Variants in KLHL13 observed in about 807,000 individuals in gnomAD.
KLHL13 encodes kelch like family member 13.
Under a neutral mutation model 37.1 loss-of-function variants are expected in KLHL13, and 10 were observed. The observed-to-expected ratio is 0.27, with a 90% confidence interval of 0.17 to 0.46. The LOEUF (loss-of-function observed/expected upper bound fraction) is 0.46. Ranked by LOEUF, KLHL13 falls within the 20% of genes least tolerant of loss-of-function variation. The probability of loss-of-function intolerance (pLI) is 1.00; values close to 1 mark genes in which losing one functional copy is unlikely to be tolerated. For synonymous variants in KLHL13, 163 were observed against 181.2 expected, an observed-to-expected ratio of 0.90 and a Z score of 0.81; for missense variants, 360 against 509.3, an observed-to-expected ratio of 0.71 and a Z score of 2.82.
chrX:117,992,793 T>C lies in KLHL13; in HGVS notation c.-55-47218A>G, dbSNP rs750083941. Among the ~76,000 whole-genome samples the C allele has an allele frequency of 1.2e-3, 134 of 111,963 alleles. 1 individual carries two copies. Among genetic ancestry groups the C allele is most frequent in the African/African-American group, 4.2e-3 (129 of 30,839 alleles). On this transcript the variant is annotated intron_variant, in intron 1 of 6. Coordinates refer to the KLHL13 transcript ENST00000371882. ...CTTTCTAAACTCTTTCAGCAGTTAC[T>C]ATACAATGTTCATAGTTATTTATTC...
intron 2 of KLHL13, among the ~76,000 whole-genome samples, chrX:117,942,094 G>A (rs1380175814): frequency 8.9e-6 from 1 of 111,759 alleles, no homozygotes; most frequent in Non-Finnish European, 1.9e-5. Context: ...TATATACCCA[G>A]TAGTCATTCA....
At chrX:118,015,838 T>C (rs2054122189) in intron 1 of KLHL13, among the ~76,000 whole-genome samples, 1 of 111,268 alleles carries the variant, frequency 9.0e-6, no homozygotes, top group Admixed American at 9.6e-5. Context: ...AAAAAGTAAC[T>C]GGTCTCAGAA....
At chrX:117,913,598 C>A (rs924070175) in intron 4 of KLHL13, among the ~76,000 whole-genome samples, 12 of 112,106 alleles carry the variant, frequency 1.1e-4, no homozygotes, top group African/African-American at 3.9e-4. Flanking sequence ...GTAATCCCAG[C>A]ACTTTGAGAG....
chrX:118,084,444 T>C (rs1191504191), intron 1 of KLHL13, among the ~76,000 whole-genome samples: 1 of 112,165 alleles, frequency 8.9e-6, no homozygotes, highest in African/African-American at 3.2e-5. Context: ...ATCACAATGC[T>C]ACAAAGATTC....
chrX:117,939,899 C>T (rs1167949767), intron 2 of KLHL13, among the ~76,000 whole-genome samples: 1 of 111,452 alleles, frequency 9.0e-6, no homozygotes, highest in East Asian at 2.8e-4. Context: ...GATTCCTGTA[C>T]ACTCTGATGA....
chrX:117,994,106 C>T (rs1458080387), intron 1 of KLHL13, among the ~76,000 whole-genome samples: 1 of 111,943 alleles, frequency 8.9e-6, no homozygotes, highest in Non-Finnish European at 1.9e-5. Context: ...AAAATGGTTT[C>T]CCACCAACTC....
chrX:118,002,181 G>T lies in KLHL13; in HGVS notation c.-55-56606C>A, dbSNP rs373262456. On this transcript the variant is annotated intron_variant, in intron 1 of 6. Coordinates refer to the KLHL13 transcript ENST00000371882. ...GCCTAAATCACCGGGTTAGATGCAC[G>T]AAATAGATGGCTAGATGGGAAGATG... Among the ~76,000 whole-genome samples, 9 of 111,822 alleles carry T rather than the reference G, an allele frequency of 8.0e-5. No individual in the cohort carries two copies. The South Asian group carries it at 1.9e-3, about 23-fold the overall frequency.
chrX:117,924,671 T>G (rs1166903423), intron 2 of KLHL13, among the ~76,000 whole-genome samples: 1 of 111,377 alleles, frequency 9.0e-6, no homozygotes, highest in Non-Finnish European at 1.9e-5. Flanking sequence ...TCATCATCTT[T>G]CCAGTCTCTC....
intron 1 of KLHL13, among the ~76,000 whole-genome samples, chrX:118,113,949 A>T (rs756674577): frequency 7.1e-5 from 8 of 111,957 alleles, no homozygotes; most frequent in African/African-American, 1.3e-4. Flanking sequence ...ATACATAAAA[A>T]CCTGATTGTT....
At chrX:117,975,077 G>A (rs1359353406), upstream of KLHL13, among the ~76,000 whole-genome samples, 1 of 110,538 alleles carries the variant, frequency 9.0e-6, no homozygotes, top group African/African-American at 3.3e-5. Flanking sequence ...TTTTACATTA[G>A]AAGGCTTTCT....
chrX:118,051,489 C>T (rs1285077825), intron 1 of KLHL13, among the ~76,000 whole-genome samples: 2 of 109,518 alleles, frequency 1.8e-5, no homozygotes, highest in Admixed American at 2.0e-4. Flanking sequence ...TGCAGTGAGC[C>T]GAGATTGCAC....
chrX:118,026,117 T>C (rs191338905), intron 1 of KLHL13, among the ~76,000 whole-genome samples: 1 of 111,682 alleles, frequency 9.0e-6, no homozygotes, highest in African/African-American at 3.2e-5. Context: ...ATTCCTTCTA[T>C]GGTATCTGTC....
At chrX:117,937,998 T>A (rs973618040) in intron 2 of KLHL13, among the ~76,000 whole-genome samples, 2 of 112,261 alleles carry the variant, frequency 1.8e-5, no homozygotes, top group African/African-American at 6.5e-5. Context: ...ACATAAAACA[T>A]GAAATCACAT....
intron 1 of KLHL13, among the ~76,000 whole-genome samples, chrX:118,092,532 C>T (rs931894138): frequency 1.8e-5 from 2 of 111,631 alleles, no homozygotes; most frequent in Admixed American, 9.5e-5. Flanking sequence ...CACCAGCATA[C>T]CTACCCTATT....
intron 1 of KLHL13, among the ~76,000 whole-genome samples, chrX:117,998,456 G>T (rs1004642527): frequency 9.0e-6 from 1 of 110,632 alleles, no homozygotes; most frequent in Non-Finnish European, 1.9e-5. Flanking sequence ...TGAGAAATTG[G>T]CTAGTAATAA....
At chrX:118,036,425 C>A (rs887264291) in intron 1 of KLHL13, among the ~76,000 whole-genome samples, 2 of 111,244 alleles carry the variant, frequency 1.8e-5, no homozygotes, top group Admixed American at 9.6e-5. Flanking sequence ...ACAGAGCCCT[C>A]AGAAACAACG....
chrX:117,907,311 A>G (rs1930611811), intron 5 of KLHL13, among the ~76,000 whole-genome samples: 1 of 111,314 alleles, frequency 9.0e-6, no homozygotes, highest in Admixed American at 9.6e-5. Context: ...TGGCCTGAAG[A>G]TTAAAAACTC....
At chrX:117,959,168 G>C (rs1438534456) in intron 1 of KLHL13, among the ~76,000 whole-genome samples, 1 of 111,835 alleles carries the variant, frequency 8.9e-6, no homozygotes, top group Non-Finnish European at 1.9e-5. Flanking sequence ...CAAGTCTCCA[G>C]TCTACTTAAA....
intron 1 of KLHL13, among the ~76,000 whole-genome samples, chrX:118,024,513 C>G (rs2148017648): frequency 9.0e-6 from 1 of 111,629 alleles, no homozygotes; most frequent in African/African-American, 3.3e-5. Flanking sequence ...ACCTATATAT[C>G]CAGAGTGAAC....
Sources: allele counts gnomAD v4.1 joint callset (sites outside exome capture counted in the v4.1 genomes callset), GRCh38; gene constraint gnomAD v4.1.1; transcripts MANE v1.5; gene names NCBI Gene and HGNC (gene_info 2026-07-23, HGNC 2026-07-21).